Variants in GOLGA5 observed in about 807,000 individuals in gnomAD.
GOLGA5 encodes golgin A5, also known as golgin subfamily A member 5.
A neutral mutation model predicts 93.5 loss-of-function variants in GOLGA5; 50 were observed. The observed-to-expected ratio is 0.53, with a 90% CI of 0.43 to 0.68. GOLGA5 has a LOEUF of 0.68. GOLGA5 is among the 30% of genes least tolerant of loss of function. GOLGA5 has a pLI of 0.00. For missense variants in GOLGA5, 760 were observed against 856.4 expected (o/e 0.89, Z 1.40); for synonymous variants, 312 against 304.5 (o/e 1.02, Z -0.26).
At chr14:92,814,937 C>T (rs534269507) in intron 6 of GOLGA5, among the ~76,000 whole-genome samples, 181 of 152,058 alleles carry the variant, frequency 1.2e-3, no homozygotes, top group African/African-American at 4.2e-3. Context: ...ATTTATGATC[C>T]TTTTAAAATG....
intron 3 of GOLGA5, 111 bp downstream of exon 3, chr14:92,807,074 C>T (rs1204257333): frequency 8.7e-6 from 6 of 688,568 alleles, no homozygotes; most frequent in South Asian, 5.1e-5. Context: ...CCGAGGCGGG[C>T]GGATTGCCTG....
intron 9 of GOLGA5, among the ~76,000 whole-genome samples, chr14:92,832,438 T>TG (rs1885550139): frequency 1.3e-5 from 2 of 151,576 alleles, no homozygotes; most frequent in South Asian, 4.2e-4. Context: ...TAGAGGGAGA[T>TG]GGAGACAGAT....
At chr14:92,812,188 C>T (rs775816706) in intron 6 of GOLGA5, among the ~76,000 whole-genome samples, 1 of 152,214 alleles carries the variant, frequency 6.6e-6, no homozygotes, top group Non-Finnish European at 1.5e-5. Context: ...CTACAGTCAT[C>T]TAATGTCGTT....
At position 92,839,349 on chromosome 14, in the gene GOLGA5, G is replaced by A; in HGVS notation, c.2116-17G>A. 1 of 1,590,664 alleles carries A rather than the reference G, an allele frequency of 6.3e-7. No homozygotes were observed. The highest frequency in any genetic ancestry group is 8.6e-7 in the Non-Finnish European group (1 of 1,158,932). ...TGGTTTATTGGCTAATCCACAAATT[G>A]CTTTTTCTTTCTCTAGGCTTTGCTT... On this transcript the variant is annotated splice_polypyrimidine_tract_variant and intron_variant, in intron 12 of 12. Coordinates refer to ENST00000163416, the MANE Select transcript of GOLGA5 (RefSeq NM_005113.4).
intron 9 of GOLGA5, 152 bp downstream of exon 9, chr14:92,824,796 T>G: frequency 1.7e-6 from 1 of 587,648 alleles, no homozygotes; most frequent in African/African-American, 1.9e-5. Flanking sequence ...TATAGAAAAT[T>G]CATCTAATGC....
chr14:92,821,150 A>G (rs1885309301), intron 8 of GOLGA5, among the ~76,000 whole-genome samples: 1 of 152,238 alleles, frequency 6.6e-6, no homozygotes, highest in Non-Finnish European at 1.5e-5. Context: ...CCTAGTATAG[A>G]AAACTTCAAA....
At chr14:92,797,064 A>G (rs1884749107) in intron 1 of GOLGA5, among the ~76,000 whole-genome samples, 1 of 148,694 alleles carries the variant, frequency 6.7e-6, no homozygotes, top group Admixed American at 6.8e-5. Flanking sequence ...AAATAGTAAT[A>G]ATAAATAATA....
chr14:92,798,150 T>C, intron 2 of GOLGA5, among the ~76,000 whole-genome samples, 169 bp downstream of exon 2: 1 of 152,238 alleles, frequency 6.6e-6, no homozygotes, highest in Non-Finnish European at 1.5e-5. Flanking sequence ...TGACTACTAT[T>C]AGTCAATAGA....
Position 92,797,700 on chromosome 14 carries a change from C to T in GOLGA5, c.263C>T (p.Ser88Phe). The T allele has an allele frequency of 6.2e-7, 1 of 1,614,086 alleles. No homozygotes were observed. The highest frequency in any genetic ancestry group is 1.1e-5 in the South Asian group (1 of 91,088). Residue 88 changes from serine (S) to phenylalanine (F), a missense_variant, in exon 2 of 13, where the codon TCT (serine) becomes TTT (phenylalanine). Coordinates refer to ENST00000163416, the MANE Select transcript of GOLGA5 (RefSeq NM_005113.4). ...LAGTANVKVGSRTPVEASHPV... is the reference protein window; with the variant it reads ...LAGTANVKVGFRTPVEASHPV... ...GGCACTGCAAATGTGAAAGTAGGAT[C>T]TCGGACACCAGTAGAGGCCTCTCAT... is the stretch of plus-strand genomic sequence containing the variant.
At chr14:92,808,949 A>G (rs1381136561) in intron 3 of GOLGA5, among the ~76,000 whole-genome samples, 1 of 152,128 alleles carries the variant, frequency 6.6e-6, no homozygotes, top group African/African-American at 2.4e-5. Context: ...ACTAGGATGT[A>G]CCTTTGATTT....
intron 1 of GOLGA5, among the ~76,000 whole-genome samples, chr14:92,796,363 TC>T (rs1480347705): frequency 6.6e-6 from 1 of 152,210 alleles, no homozygotes; most frequent in Non-Finnish European, 1.5e-5. Flanking sequence ...TTATTTTCTC[TC>T]AGTTCTGAAG....
chr14:92,805,841 A>G (rs987328664), intron 2 of GOLGA5, among the ~76,000 whole-genome samples: 1 of 152,184 alleles, frequency 6.6e-6, no homozygotes, highest in African/African-American at 2.4e-5. Flanking sequence ...TTATTTAGAT[A>G]TATAGTTCAT....
chr14:92,798,517 A>G (rs118044765), intron 2 of GOLGA5, among the ~76,000 whole-genome samples: 3 of 152,344 alleles, frequency 2.0e-5, no homozygotes, highest in East Asian at 1.9e-4. Flanking sequence ...CTTGTTTTCA[A>G]TTGTTTAATT....
chr14:92,831,206 T>C (rs1465355360), intron 9 of GOLGA5, among the ~76,000 whole-genome samples: 1 of 152,204 alleles, frequency 6.6e-6, no homozygotes, highest in African/African-American at 2.4e-5. Context: ...GAAAACTGGC[T>C]GTTTCTGATA....
At chr14:92,797,066 TAAA>T (rs1315621931) in intron 1 of GOLGA5, among the ~76,000 whole-genome samples, 1 of 147,536 alleles carries the variant, frequency 6.8e-6, no homozygotes, top group Admixed American at 6.7e-5. Flanking sequence ...ATAGTAATAA[TAAA>T]TAATAAAAAT....
At chr14:92,827,760 A>G (rs940176723) in intron 9 of GOLGA5, among the ~76,000 whole-genome samples, 1 of 152,254 alleles carries the variant, frequency 6.6e-6, no homozygotes, top group Non-Finnish European at 1.5e-5. Flanking sequence ...GAAGGAAATT[A>G]AAAGTGCTAC....
Position 92,839,825 on chromosome 14 carries a change from A to G in GOLGA5, c.*379A>G, listed in dbSNP as rs1395920970. The stretch of plus-strand genomic sequence containing the variant: ...TGACAAAAATAAAAAGTTTTTTTTT[A>G]TAATTCAGTCTGCTTTTGGATTTTC... On this transcript the variant is annotated 3_prime_UTR_variant, in exon 13 of 13. Transcript: ENST00000163416. 1.6e-5 allele frequency: 3 copies of G among 191,070 alleles called. No homozygotes were observed. The highest frequency in any genetic ancestry group is 5.1e-5 in the African/African-American group (2 of 39,296). 11.8% of individuals were successfully genotyped at this position (191,070 alleles called of 1,614,324 possible).
At chr14:92,825,979 A>T (rs1383443816) in intron 9 of GOLGA5, among the ~76,000 whole-genome samples, 1 of 151,940 alleles carries the variant, frequency 6.6e-6, no homozygotes, top group Admixed American at 6.6e-5. Context: ...ACATAGCGAG[A>T]CCATCATCTC....
chr14:92,815,682 C>A, intron 6 of GOLGA5, among the ~76,000 whole-genome samples: 1 of 146,344 alleles, frequency 6.8e-6, no homozygotes, highest in African/African-American at 2.5e-5. Flanking sequence ...AATAAATAAA[C>A]ACAAATTTTT....
Sources: gnomAD v4.1 joint callset for allele counts (sites outside exome capture counted in the v4.1 genomes callset) on GRCh38, gnomAD v4.1.1 for gene constraint, MANE v1.5 for transcripts, NCBI Gene and HGNC (gene_info 2026-07-23, HGNC 2026-07-21) for gene names.